The following TFAP2D variants were observed in gnomAD, a reference collection of about 807,000 sequenced individuals.
TFAP2D encodes the protein transcription factor AP-2 delta, also known as transcription factor AP-2-delta.
TFAP2D carries 9 observed loss-of-function variants against 43.6 expected under a neutral mutation model. The ratio of observed to expected loss-of-function variants is 0.21; its 90% CI spans 0.12 to 0.36. TFAP2D has a LOEUF of 0.36. Among genes scored for constraint, TFAP2D ranks in the 10% least tolerant of loss-of-function variants. The probability of loss-of-function intolerance (pLI) is 1.00; values close to 1 mark genes in which losing one functional copy is unlikely to be tolerated. For missense variants in TFAP2D, 513 were observed against 561.4 expected, an observed-to-expected ratio of 0.91 and a Z score of 0.87; for synonymous variants, 256 against 224.9, an observed-to-expected ratio of 1.14 and a Z score of -1.24.
At chr6:50,726,048 C>G (rs928088658) in intron 3 of TFAP2D, among the ~76,000 whole-genome samples, 2 of 152,304 alleles carry the variant, frequency 1.3e-5, no homozygotes, top group Non-Finnish European at 2.9e-5. Flanking sequence ...TAATATGCAG[C>G]TTGTGTAACT....
intron 7 of TFAP2D, among the ~76,000 whole-genome samples, chr6:50,755,973 T>C (rs1203812488): frequency 1.3e-5 from 2 of 151,952 alleles, no homozygotes. Flanking sequence ...TACCCTAGAC[T>C]TCCTGGACTC....
intron 5 of TFAP2D, among the ~76,000 whole-genome samples, chr6:50,742,146 A>G (rs921171349): frequency 1.4e-4 from 22 of 151,856 alleles, no homozygotes; most frequent in African/African-American, 5.3e-4. Context: ...GGATGCATTT[A>G]TTCATTCATT....
chr6:50,745,107 G>A lies in TFAP2D; in HGVS notation c.884G>A (p.Gly295Glu). The change falls in exon 6 of 8, where the codon GGG (glycine) becomes GAG (glutamate). Residue 295 changes from glycine (G) to glutamate (E), a missense_variant and splice_region_variant. Gly to Glu is a moderately conservative substitution (Grantham distance 98). This residue lies in a region of TFAP2D where 199 missense variants were observed against 227.9 expected (regional missense o/e 0.87). Transcript: ENST00000008391. ...NVTLLTSLVE[G>E]EALHLARDFG... is the part of the protein sequence containing the mutation. ...ACTCACTTGTGTTATCTGCCAACAGGGGAGGCTTTGCACTTGGCTCGGGAT... is the reference window on the plus strand; with the variant it reads ...ACTCACTTGTGTTATCTGCCAACAGAGGAGGCTTTGCACTTGGCTCGGGAT... 6.2e-7 allele frequency: 1 copy of A among 1,613,468 alleles called. No individual in the cohort carries two copies. The highest frequency in any genetic ancestry group is 8.5e-7 in the Non-Finnish European group (1 of 1,179,688).
At chr6:50,716,459 A>AGAGG (rs71305730) in intron 2 of TFAP2D, among the ~76,000 whole-genome samples, 2 of 151,092 alleles carry the variant, frequency 1.3e-5, no homozygotes, top group Non-Finnish European at 3.0e-5. Flanking sequence ...AGGAAGGAGA[A>AGAGG]AAGGAAGGAA....
intron 3 of TFAP2D, among the ~76,000 whole-genome samples, chr6:50,726,232 G>C (rs149555256): frequency 6.9e-4 from 105 of 152,276 alleles, no homozygotes; most frequent in African/African-American, 2.5e-3. Context: ...TCCAGTTGGG[G>C]AGAGCCTGAT....
At chr6:50,738,091 G>C (rs924003544) in intron 5 of TFAP2D, among the ~76,000 whole-genome samples, 1 of 151,980 alleles carries the variant, frequency 6.6e-6, no homozygotes, top group Non-Finnish European at 1.5e-5. Context: ...TTAAACAGGA[G>C]GCTATCAATT....
At chr6:50,741,399 T>C (rs948735405) in intron 5 of TFAP2D, among the ~76,000 whole-genome samples, 1 of 152,152 alleles carries the variant, frequency 6.6e-6, no homozygotes, top group Non-Finnish European at 1.5e-5. Context: ...GTATTAAGGC[T>C]AGTACCCATT....
intron 7 of TFAP2D, among the ~76,000 whole-genome samples, chr6:50,762,358 CTCTT>C (rs1769374717): frequency 6.6e-6 from 1 of 152,000 alleles, no homozygotes; most frequent in South Asian, 2.1e-4. Flanking sequence ...CTCTTTCTCT[CTCTT>C]TCACACATAT....
intron 3 of TFAP2D, among the ~76,000 whole-genome samples, chr6:50,723,169 A>G (rs531239034): frequency 1.3e-5 from 2 of 152,332 alleles, no homozygotes; most frequent in South Asian, 4.1e-4. Flanking sequence ...ACATTGTCAG[A>G]TCTGATTTAA....
In TFAP2D at chr6:50,746,373, G is replaced by C. The variant is rs141760383; in HGVS notation, c.1025+1125G>C. Among the ~76,000 whole-genome samples, 7 of 152,014 alleles carry C rather than the reference G, an allele frequency of 4.6e-5. No individual in the cohort carries two copies. The East Asian group carries it at 1.4e-3, about 30-fold the overall frequency. On this transcript the variant is annotated intron_variant, in intron 6 of 7. Transcript: ENST00000008391. ...CCACCTCAGCCTCCCGAGTAGCTGAGACTACAGGCATGAGCCAGCACACCC... is the reference window on the plus strand; with the variant it reads ...CCACCTCAGCCTCCCGAGTAGCTGACACTACAGGCATGAGCCAGCACACCC...
At chr6:50,731,877 A>G (rs1262649303) in intron 5 of TFAP2D, among the ~76,000 whole-genome samples, 5 of 152,052 alleles carry the variant, frequency 3.3e-5, no homozygotes, top group Non-Finnish European at 5.9e-5. Context: ...TTAGGTGTAT[A>G]CAGAATAATA....
At chr6:50,723,149 C>T (rs1208802402) in intron 3 of TFAP2D, among the ~76,000 whole-genome samples, 1 of 152,216 alleles carries the variant, frequency 6.6e-6, no homozygotes, top group Non-Finnish European at 1.5e-5. Context: ...GCATTTACGC[C>T]GCGGTACAAA....
intron 2 of TFAP2D, among the ~76,000 whole-genome samples, chr6:50,717,239 G>C (rs1422279631): frequency 1.3e-5 from 2 of 152,186 alleles, no homozygotes; most frequent in East Asian, 3.9e-4. Context: ...ACTAGACAAA[G>C]AGCGAATCCC....
chr6:50,735,639 C>T (rs1380916104), intron 5 of TFAP2D, among the ~76,000 whole-genome samples: 1 of 152,110 alleles, frequency 6.6e-6, no homozygotes, highest in Non-Finnish European at 1.5e-5. Context: ...TTACAAGATT[C>T]CCCTACAAAA....
chr6:50,760,569 A>C (rs1769349407), intron 7 of TFAP2D, among the ~76,000 whole-genome samples: 1 of 152,064 alleles, frequency 6.6e-6, no homozygotes, highest in Admixed American at 6.6e-5. Context: ...CCACCAGAGA[A>C]CTAGATACTT....
At chr6:50,754,630 C>T (rs149784704) in intron 7 of TFAP2D, among the ~76,000 whole-genome samples, 14 of 151,954 alleles carry the variant, frequency 9.2e-5, no homozygotes, top group East Asian at 5.8e-4. Flanking sequence ...CAATAATGTA[C>T]GGGGTGTCTA....
chr6:50,749,753 G>A (rs1211200364), intron 6 of TFAP2D, among the ~76,000 whole-genome samples: 12 of 151,848 alleles, frequency 7.9e-5, no homozygotes, highest in Non-Finnish European at 1.8e-4. Flanking sequence ...AACAGAAAAT[G>A]TGAGGAGTTC....
intron 7 of TFAP2D, among the ~76,000 whole-genome samples, chr6:50,769,074 T>G (rs1769485943): frequency 6.6e-6 from 1 of 151,918 alleles, no homozygotes; most frequent in Admixed American, 6.6e-5. Flanking sequence ...TTTTTGTATT[T>G]TTAGTAGAGA....
chr6:50,727,982 C>G (rs1304114318), intron 3 of TFAP2D, among the ~76,000 whole-genome samples: 1 of 152,086 alleles, frequency 6.6e-6, no homozygotes, highest in Non-Finnish European at 1.5e-5. Context: ...AGGGAACATA[C>G]ACTGTTGTTC....
Sources: allele counts gnomAD v4.1 joint callset (sites outside exome capture counted in the v4.1 genomes callset), GRCh38; gene constraint gnomAD v4.1.1; regional missense constraint gnomAD v4.1.1; transcripts MANE v1.5; gene names NCBI Gene and HGNC (gene_info 2026-07-23, HGNC 2026-07-21).